Variants in EPHA3 observed in about 807,000 individuals in gnomAD.
EPHA3 encodes EPH receptor A3, also known as ephrin type-A receptor 3.
EPHA3 carries 42 observed loss-of-function variants against 107.1 expected under a neutral mutation model. The observed-to-expected ratio is 0.39, with a 90% CI of 0.31 to 0.51. The LOEUF (loss-of-function observed/expected upper bound fraction) is 0.51, where lower values mean the gene tolerates loss of function less well. Ranked by LOEUF, EPHA3 falls within the 20% of genes least tolerant of loss-of-function variation. The pLI, the probability that EPHA3 is intolerant of heterozygous loss-of-function variation, is 0.78. For missense variants in EPHA3, 1,183 were observed against 1,211.2 expected (o/e 0.98, Z 0.35); for synonymous variants, 461 against 424.8 (o/e 1.09, Z -1.05).
rs113556965 is a variant in EPHA3 at position 89,325,010 on chromosome 3, T to C, written c.815-15906T>C. Reference sequence around the variant, plus strand: ...GCATAATGGCCTCCAGTTGCATCCATGTTGCTGCAAAGGACATGATTTCCT... The same window carrying C: ...GCATAATGGCCTCCAGTTGCATCCACGTTGCTGCAAAGGACATGATTTCCT... On this transcript the variant is annotated intron_variant, in intron 3 of 16. Coordinates refer to ENST00000336596, the MANE Select transcript of EPHA3 (RefSeq NM_005233.6). Among the ~76,000 whole-genome samples, 712 of 152,286 alleles carry C rather than the reference T, an allele frequency of 4.7e-3. 5 individuals carry two copies. The highest frequency in any genetic ancestry group is 0.016 in the African/African-American group (680 of 41,576).
chr3:89,400,089 T>G, intron 7 of EPHA3: 5 of 1,014,994 alleles, frequency 4.9e-6, no homozygotes, highest in Non-Finnish European at 5.9e-6. Flanking sequence ...AAAAAAGCCC[T>G]TTGCTAAAAT....
chr3:89,303,633 T>TA (rs1263152472), intron 3 of EPHA3, among the ~76,000 whole-genome samples: 1 of 152,124 alleles, frequency 6.6e-6, no homozygotes, highest in Non-Finnish European at 1.5e-5. Flanking sequence ...TAGTCCACAT[T>TA]AAAAAATTGA....
At chr3:89,254,659 A>G (rs1182168697) in intron 3 of EPHA3, among the ~76,000 whole-genome samples, 1 of 152,196 alleles carries the variant, frequency 6.6e-6, no homozygotes, top group African/African-American at 2.4e-5. Flanking sequence ...CCTTATCCTT[A>G]TAACGGTTTA....
At chr3:89,469,385 A>G (rs1710357135) in intron 15 of EPHA3, among the ~76,000 whole-genome samples, 1 of 152,146 alleles carries the variant, frequency 6.6e-6, no homozygotes, top group Non-Finnish European at 1.5e-5. Context: ...CTAAAATGTG[A>G]CCATTTTTAT....
intron 2 of EPHA3, among the ~76,000 whole-genome samples, chr3:89,158,610 A>G (rs1559757010): frequency 6.6e-6 from 1 of 152,150 alleles, no homozygotes; most frequent in Admixed American, 6.6e-5. Flanking sequence ...TAATAAATGA[A>G]CACATTAATA....
At chr3:89,301,696 T>G (rs908425281) in intron 3 of EPHA3, among the ~76,000 whole-genome samples, 3 of 152,092 alleles carry the variant, frequency 2.0e-5, no homozygotes, top group Non-Finnish European at 4.4e-5. Flanking sequence ...CAGAGGATAC[T>G]TATTTGGAGT....
chr3:89,256,204 T>C (rs940016246), intron 3 of EPHA3, among the ~76,000 whole-genome samples: 6 of 150,484 alleles, frequency 4.0e-5, no homozygotes, highest in Non-Finnish European at 7.4e-5. Flanking sequence ...TTAGCCGAGA[T>C]TGCACCACTG....
intron 3 of EPHA3, among the ~76,000 whole-genome samples, chr3:89,248,545 C>G (rs143727115): frequency 6.6e-5 from 10 of 152,218 alleles, no homozygotes; most frequent in African/African-American, 2.4e-4. Flanking sequence ...AAATGCATTT[C>G]GGTGTAGTAA....
intron 3 of EPHA3, among the ~76,000 whole-genome samples, chr3:89,227,443 C>G (rs990200653): frequency 6.6e-6 from 1 of 151,942 alleles, no homozygotes; most frequent in African/African-American, 2.4e-5. Flanking sequence ...TCATGCATTT[C>G]CTGTGTATTT....
At chr3:89,173,361 T>C (rs1705250631) in intron 2 of EPHA3, among the ~76,000 whole-genome samples, 1 of 152,202 alleles carries the variant, frequency 6.6e-6, no homozygotes, top group East Asian at 1.9e-4. Context: ...AACCCTTACA[T>C]AGGCAGTAAA....
chr3:89,385,547 C>T (rs563230993), intron 5 of EPHA3, among the ~76,000 whole-genome samples: 1 of 152,274 alleles, frequency 6.6e-6, no homozygotes, highest in Non-Finnish European at 1.5e-5. Context: ...TGAGGCCTCC[C>T]TAGTCCTGAA....
At chr3:89,278,591 A>G (rs1250774685) in intron 3 of EPHA3, among the ~76,000 whole-genome samples, 1 of 152,118 alleles carries the variant, frequency 6.6e-6, no homozygotes, top group Non-Finnish European at 1.5e-5. Flanking sequence ...TTCATGCGCA[A>G]TGGCCTATTT....
intron 2 of EPHA3, among the ~76,000 whole-genome samples, chr3:89,147,184 G>A (rs140331465): frequency 1.1e-4 from 16 of 151,792 alleles, no homozygotes; most frequent in Middle Eastern, 3.4e-3. Context: ...AGGGCCTGTC[G>A]GGGGTGGGGG....
At chr3:89,384,750 T>C (rs1708583451) in intron 5 of EPHA3, among the ~76,000 whole-genome samples, 1 of 152,184 alleles carries the variant, frequency 6.6e-6, no homozygotes. Context: ...CAGCTTCATA[T>C]GATATATGTA....
Position 89,210,115 on chromosome 3 carries a change from G to A in EPHA3, c.409G>A (p.Glu137Lys), listed in dbSNP as rs2107181822. The A allele has an allele frequency of 3.1e-6, 5 of 1,613,998 alleles. No individual in the cohort carries two copies. The highest frequency in any genetic ancestry group is 4.2e-6 in the Non-Finnish European group (5 of 1,179,930). ...SDDDHGVKFREHQFTKIDTIA... is the reference protein window; with the variant it reads ...SDDDHGVKFRKHQFTKIDTIA... ...TGATGATCATGGGGTGAAATTTCGAGAGCATCAGTTTACAAAGATTGACAC... is the reference window on the plus strand; with the variant it reads ...TGATGATCATGGGGTGAAATTTCGAAAGCATCAGTTTACAAAGATTGACAC... Residue 137 changes from glutamate to lysine, a missense_variant, in exon 3 of 17, where the codon GAG becomes AAG. Coordinates refer to ENST00000336596, the MANE Select transcript of EPHA3 (RefSeq NM_005233.6).
At chr3:89,362,728 A>T (rs776085043) in intron 5 of EPHA3, among the ~76,000 whole-genome samples, 8 of 151,018 alleles carry the variant, frequency 5.3e-5, no homozygotes, top group Non-Finnish European at 1.2e-4. Context: ...TGTGTACAAC[A>T]TGGGATGAGT....
intron 2 of EPHA3, among the ~76,000 whole-genome samples, chr3:89,201,113 G>A (rs1705958035): frequency 6.6e-6 from 1 of 152,164 alleles, no homozygotes; most frequent in African/African-American, 2.4e-5. Flanking sequence ...GGAGGCCTCA[G>A]GAAACTTACA....
chr3:89,253,947 TA>T (rs1705220665), intron 3 of EPHA3, among the ~76,000 whole-genome samples: 1 of 151,898 alleles, frequency 6.6e-6, no homozygotes, highest in African/African-American at 2.4e-5. Flanking sequence ...TTTTAGGGCA[TA>T]AAAAAATCAG....
chr3:89,375,855 G>A (rs1708394736), intron 5 of EPHA3, among the ~76,000 whole-genome samples: 1 of 151,910 alleles, frequency 6.6e-6, no homozygotes, highest in African/African-American at 2.4e-5. Flanking sequence ...ATGATGATAG[G>A]TTCCATATGC....
Sources: allele counts gnomAD v4.1 joint callset (sites outside exome capture counted in the v4.1 genomes callset), GRCh38; gene constraint gnomAD v4.1.1; transcripts MANE v1.5; gene names NCBI Gene and HGNC (gene_info 2026-07-23, HGNC 2026-07-21).